The following FAM120B variants were observed in gnomAD, a reference collection of about 807,000 sequenced individuals.
The protein encoded by FAM120B is constitutive coactivator of peroxisome proliferator-activated receptor gamma.
FAM120B carries 83 observed loss-of-function variants against 96.3 expected under a neutral mutation model. The observed-to-expected ratio is 0.86, with a 90% CI of 0.72 to 1.03. The LOEUF is 1.03. Ranked by LOEUF, FAM120B falls within the 50% of genes least tolerant of loss-of-function variation. The pLI, the probability that FAM120B is intolerant of heterozygous loss-of-function variation, is 0.00. For missense variants in FAM120B, 1,027 were observed against 1,121.2 expected (o/e 0.92, Z 1.20); for synonymous variants, 407 against 402.7 (o/e 1.01, Z -0.13).
chr6:170,339,815 C>T (rs1245636077), intron 4 of FAM120B, among the ~76,000 whole-genome samples: 1 of 152,066 alleles, frequency 6.6e-6, no homozygotes. Context: ...GGACATTGGC[C>T]CCCCACTCTT....
At chr6:170,340,152 A>T (rs1374250536) in intron 4 of FAM120B, among the ~76,000 whole-genome samples, 1 of 152,068 alleles carries the variant, frequency 6.6e-6, no homozygotes, top group Middle Eastern at 3.2e-3. Flanking sequence ...TGGTCTTTTC[A>T]CATAGTCCCA....
At chr6:170,312,454 A>G (rs918148515) in intron 1 of FAM120B, among the ~76,000 whole-genome samples, 4 of 152,218 alleles carry the variant, frequency 2.6e-5, no homozygotes, top group African/African-American at 9.6e-5. Context: ...TTATAATACA[A>G]TTATAAATAA....
chr6:170,394,185 T>G (rs989019303), intron 8 of FAM120B, among the ~76,000 whole-genome samples: 5 of 152,132 alleles, frequency 3.3e-5, no homozygotes, highest in South Asian at 2.1e-4. Context: ...TGGGGGACTT[T>G]CAGTAGCTAG....
intron 4 of FAM120B, among the ~76,000 whole-genome samples, chr6:170,334,273 T>A (rs1334443310): frequency 6.6e-6 from 1 of 152,218 alleles, no homozygotes; most frequent in Admixed American, 6.5e-5. Flanking sequence ...GAAAGCTTAG[T>A]ATTTCTTGGC....
chr6:170,306,413 C>T (rs1473511070), upstream of FAM120B: 2 of 152,294 alleles, frequency 1.3e-5, no homozygotes, highest in African/African-American at 4.8e-5. Flanking sequence ...TCCTCAGTGC[C>T]TCCGGCAGGA....
rs1188400716 is a variant in FAM120B, at chr6:170,406,206, AC to A, written c.*1457del. On this transcript the variant is annotated 3_prime_UTR_variant, in exon 11 of 11. Transcript: ENST00000476287. ...CTCTGTGGGCAGCCGTCTTCCAGAAACCTCGAACTTATGTCTGTCTCCACCT... is the reference window on the plus strand; with the variant it reads ...CTCTGTGGGCAGCCGTCTTCCAGAAACTCGAACTTATGTCTGTCTCCACCT... The A allele has an allele frequency of 2.0e-5, 3 of 152,032 alleles. No individual in the cohort carries two copies. The highest frequency in any genetic ancestry group is 2.9e-5 in the Non-Finnish European group (2 of 68,004). The allele number at this position is 152,032 out of a possible 1,614,324, so 9.4% of individuals were successfully genotyped here.
intron 6 of FAM120B, among the ~76,000 whole-genome samples, chr6:170,366,640 G>T (rs541255664): frequency 6.6e-6 from 1 of 152,332 alleles, no homozygotes; most frequent in South Asian, 2.1e-4. Flanking sequence ...TCTCTGGTGT[G>T]GGGTGAATGG....
At chr6:170,319,226 G>A (rs1194999972) in intron 2 of FAM120B, 102 bp downstream of exon 2, 1 of 1,161,844 alleles carries the variant, frequency 8.6e-7, no homozygotes, top group South Asian at 1.6e-5. Flanking sequence ...GCCACTGAGA[G>A]GATGCACAAC....
At chr6:170,361,196 G>GCGTATATA (rs1788350697) in intron 6 of FAM120B, among the ~76,000 whole-genome samples, 1 of 29,738 alleles carries the variant, frequency 3.4e-5, no homozygotes, top group Non-Finnish European at 6.1e-5. Flanking sequence ...ATATATATAC[G>GCGTATATA]TGTATATATA....
At chr6:170,376,524 G>A (rs186398724) in intron 6 of FAM120B, among the ~76,000 whole-genome samples, 2 of 152,130 alleles carry the variant, frequency 1.3e-5, no homozygotes, top group African/African-American at 4.8e-5. Flanking sequence ...GAATGGTAGA[G>A]CAGAGAGCGC....
chr6:170,359,750 T>C (rs1433144578), intron 6 of FAM120B, among the ~76,000 whole-genome samples: 1 of 152,172 alleles, frequency 6.6e-6, no homozygotes, highest in African/African-American at 2.4e-5. Flanking sequence ...CAACTTTCAA[T>C]ACTAGGTTTC....
At chr6:170,397,425 T>A (rs1373889569) in intron 9 of FAM120B, among the ~76,000 whole-genome samples, 1 of 151,936 alleles carries the variant, frequency 6.6e-6, no homozygotes, top group African/African-American at 2.4e-5. Flanking sequence ...TGGGCCAGAT[T>A]TGGGGGCAGA....
At chr6:170,328,063 C>T (rs540752487) in intron 3 of FAM120B, among the ~76,000 whole-genome samples, 1 of 149,510 alleles carries the variant, frequency 6.7e-6, no homozygotes, top group Non-Finnish European at 1.5e-5. Flanking sequence ...AATAAATTAA[C>T]CTTAACTTAC....
In FAM120B at chr6:170,318,753, T is replaced by C. The variant is rs145232172; in HGVS notation, c.1363T>C (p.Ser455Pro). ...GCAAGAAGTTCCCATGTATACAGGCTCTGAACCCAGGCAAGAAGTTCCCAT... is the reference window on the plus strand; with the variant it reads ...GCAAGAAGTTCCCATGTATACAGGCCCTGAACCCAGGCAAGAAGTTCCCAT... Reference protein sequence around the residue: ...PRQEVPMYTGSEPRQEVPMYT... With the variant: ...PRQEVPMYTGPEPRQEVPMYT... Residue 455 changes from serine (S) to proline (P), a missense_variant, in exon 2 of 11, where the codon TCT (serine) becomes CCT (proline). Coordinates refer to ENST00000476287, the MANE Select transcript of FAM120B (RefSeq NM_032448.3). 5,853 of 1,580,278 alleles carry C rather than the reference T, an allele frequency of 3.7e-3. 15 individuals carry two copies. The highest frequency in any genetic ancestry group is 4.6e-3 in the Non-Finnish European group (5,353 of 1,168,732).
At chr6:170,299,167 TTTTC>T (rs1784089492) in intron 1 of FAM120B, among the ~76,000 whole-genome samples, 1 of 152,222 alleles carries the variant, frequency 6.6e-6, no homozygotes, top group South Asian at 2.1e-4. Flanking sequence ...GCACCTGGCC[TTTTC>T]TTTGTGGGAA....
At chr6:170,340,134 C>T (rs953293522) in intron 4 of FAM120B, among the ~76,000 whole-genome samples, 2 of 152,144 alleles carry the variant, frequency 1.3e-5, no homozygotes, top group African/African-American at 2.4e-5. Flanking sequence ...ACCAGTCCAT[C>T]GTAGGTTTGG....
intron 6 of FAM120B, among the ~76,000 whole-genome samples, chr6:170,381,873 C>A (rs1027198676): frequency 1.3e-5 from 2 of 151,706 alleles, no homozygotes; most frequent in African/African-American, 4.8e-5. Flanking sequence ...TAAAGAACAT[C>A]TACAAAAGCC....
chr6:170,371,259 G>A (rs574017140), intron 6 of FAM120B, among the ~76,000 whole-genome samples: 2 of 151,814 alleles, frequency 1.3e-5, no homozygotes, highest in African/African-American at 4.8e-5. Context: ...GTGGCCTTTC[G>A]TGTCTGGCAT....
chr6:170,385,764 G>A (rs1790152068), intron 6 of FAM120B, among the ~76,000 whole-genome samples: 1 of 152,204 alleles, frequency 6.6e-6, no homozygotes, highest in Admixed American at 6.5e-5. Flanking sequence ...TGAACGAACT[G>A]TGGTCCATCC....
Sources: allele counts gnomAD v4.1 joint callset (sites outside exome capture counted in the v4.1 genomes callset), GRCh38; gene constraint gnomAD v4.1.1; transcripts MANE v1.5; gene names NCBI Gene and HGNC (gene_info 2026-07-23, HGNC 2026-07-21).